Variants in PCDH15 observed in about 807,000 individuals in gnomAD.
The protein encoded by PCDH15 is protocadherin-15.
In PCDH15, 129 loss-of-function variants were observed where a neutral mutation model predicts 178.5. The ratio of observed to expected loss-of-function variants is 0.72; its 90% CI spans 0.63 to 0.84. The LOEUF (loss-of-function observed/expected upper bound fraction) is 0.84. PCDH15 is among the 40% of genes least tolerant of loss of function. PCDH15 has a pLI of 0.00. For synonymous variants in PCDH15, 800 were observed against 732.0 expected (o/e 1.09, Z -1.50); for missense variants, 2,230 against 2,099.9 (o/e 1.06, Z -1.21).
At chr10:55,613,660 G>A (rs1354997160) in intron 2 of PCDH15, among the ~76,000 whole-genome samples, 1 of 152,064 alleles carries the variant, frequency 6.6e-6, no homozygotes, top group Non-Finnish European at 1.5e-5. Flanking sequence ...CAAACTAAGT[G>A]TATTAAATGA....
intron 2 of PCDH15, among the ~76,000 whole-genome samples, chr10:55,390,341 G>A (rs1041063169): frequency 5.3e-5 from 8 of 152,262 alleles, no homozygotes; most frequent in African/African-American, 1.9e-4. Context: ...GCTGTTGACT[G>A]GTGGCTGCTG....
intron 2 of PCDH15, among the ~76,000 whole-genome samples, chr10:55,035,107 C>T (rs557735705): frequency 6.6e-6 from 1 of 152,194 alleles, no homozygotes; most frequent in Admixed American, 6.5e-5. Flanking sequence ...TTAACTCCAA[C>T]ATAGGGAATC....
chr10:55,038,741 CT>C (rs1411763699), intron 2 of PCDH15, among the ~76,000 whole-genome samples: 1 of 152,066 alleles, frequency 6.6e-6, no homozygotes, highest in Non-Finnish European at 1.5e-5. Context: ...AAACCTGAAA[CT>C]TTTCAAAGTA....
rs1554853331 is a variant in PCDH15 at position 54,239,432 on chromosome 10, T to TATAGAGAGAGAGAGAGAGAGAGAGAG, written c.877-2502_877-2501insCTCTCTCTCTCTCTCTCTCTCTCTAT. ...GTGATTAAATATATATATATATATA[T>TATAGAGAGAGAGAGAGAGAGAGAGAG]AGAGTAAGAACTGAAGAACTAAAAA... On this transcript the variant is annotated intron_variant, in intron 8 of 37. Transcript: ENST00000644397. Among the ~76,000 whole-genome samples, 253 of 150,636 alleles carry TATAGAGAGAGAGAGAGAGAGAGAGAG rather than the reference T, an allele frequency of 1.7e-3. 1 individual carries two copies. Among genetic ancestry groups the TATAGAGAGAGAGAGAGAGAGAGAGAG allele is most frequent in the African/African-American group, 5.7e-3 (232 of 41,050 alleles).
At chr10:54,199,567 CAACAATAAT>C (rs1323519169) in intron 10 of PCDH15, among the ~76,000 whole-genome samples, 2 of 89,594 alleles carry the variant, frequency 2.2e-5, no homozygotes, top group African/African-American at 6.4e-5. Flanking sequence ...ACAACAACAA[CAACAATAAT>C]AATAATAATA....
At chr10:55,234,781 A>G (rs1012314718) in intron 1 of PCDH15, among the ~76,000 whole-genome samples, 2 of 152,112 alleles carry the variant, frequency 1.3e-5, no homozygotes, top group Non-Finnish European at 2.9e-5. Flanking sequence ...TTTATTACTC[A>G]TGAAGTCCAC....
In PCDH15 at chr10:55,302,184, A is replaced by T. The variant is rs143533926; in HGVS notation, c.-156+17415T>A. 2.8e-3 allele frequency among the ~76,000 whole-genome samples: 419 copies of T among 152,152 alleles called. 2 individuals are homozygous for T. Among genetic ancestry groups the T allele is most frequent in the Non-Finnish European group, 4.8e-3 (326 of 68,008 alleles). On this transcript the variant is annotated intron_variant, in intron 1 of 5. Coordinates refer to the PCDH15 transcript ENST00000458638. Reference sequence around the variant, plus strand: ...GTTAAATGTATGCCAATGTAGACAGAATTGGCATAATTACCATGCTGAATA... The same window carrying T: ...GTTAAATGTATGCCAATGTAGACAGTATTGGCATAATTACCATGCTGAATA...
At chr10:53,991,593 A>G in intron 21 of PCDH15, among the ~76,000 whole-genome samples, 1 of 148,108 alleles carries the variant, frequency 6.8e-6, no homozygotes. Flanking sequence ...TGTCTAGCTA[A>G]AGGACTGTAA....
intron 33 of PCDH15, 156 bp from the exon 34 acceptor site, chr10:53,818,169 A>T: frequency 5.2e-6 from 2 of 386,730 alleles, no homozygotes; most frequent in Non-Finnish European, 4.6e-6. Context: ...ATTTTGTGGA[A>T]TTATCAAAAC....
chr10:53,890,358 G>A (rs374193859), intron 26 of PCDH15, among the ~76,000 whole-genome samples: 7 of 152,248 alleles, frequency 4.6e-5, no homozygotes, highest in South Asian at 2.1e-4. Context: ...ACCTGGAGGC[G>A]GAGGTTGCAG....
At chr10:55,430,569 GAGA>G (rs1407297416) in intron 2 of PCDH15, among the ~76,000 whole-genome samples, 3 of 152,136 alleles carry the variant, frequency 2.0e-5, no homozygotes, top group Admixed American at 6.5e-5. Context: ...TTTTGGCCCA[GAGA>G]AGAAGTGATT....
Position 54,378,950 on chromosome 10 carries a change from C to A in PCDH15, c.158-8G>T, listed in dbSNP as rs1948836091. 2 of 1,613,294 alleles carry A rather than the reference C, an allele frequency of 1.2e-6. No individual in the cohort carries two copies. The highest frequency in any genetic ancestry group is 4.5e-5 in the East Asian group (2 of 44,842). ...TGTCCACCAGAATTGTACCTGCAAACCAAAGAAAGGTACTTGAAAACATAT... is the reference window on the plus strand; with the variant it reads ...TGTCCACCAGAATTGTACCTGCAAAACAAAGAAAGGTACTTGAAAACATAT... On this transcript the variant is annotated splice_polypyrimidine_tract_variant and splice_region_variant and intron_variant, in intron 3 of 37. Coordinates refer to ENST00000644397, the MANE Select transcript of PCDH15 (RefSeq NM_001384140.1).
At chr10:55,516,178 A>G (rs1323429318) in intron 2 of PCDH15, among the ~76,000 whole-genome samples, 2 of 152,004 alleles carry the variant, frequency 1.3e-5, no homozygotes, top group Non-Finnish European at 2.9e-5. Context: ...GTGGGAGATA[A>G]TTGAATTGTG....
intron 15 of PCDH15, among the ~76,000 whole-genome samples, chr10:54,114,650 T>C (rs754354493): frequency 1.3e-5 from 2 of 152,166 alleles, no homozygotes; most frequent in African/African-American, 4.8e-5. Flanking sequence ...AAGCACAGCA[T>C]GTTGGAATAT....
intron 2 of PCDH15, among the ~76,000 whole-genome samples, chr10:55,576,812 C>A (rs867962923): frequency 4.6e-5 from 7 of 151,934 alleles, no homozygotes; most frequent in African/African-American, 1.2e-4. Context: ...AACTAAAATT[C>A]TATTAAAACA....
intron 1 of PCDH15, among the ~76,000 whole-genome samples, chr10:54,670,363 C>T (rs907455418): frequency 3.3e-5 from 5 of 152,102 alleles, no homozygotes; most frequent in Admixed American, 2.0e-4. Context: ...TCTTATACTA[C>T]AGCTATGGTG....
chr10:55,441,092 AT>A (rs369363953), intron 2 of PCDH15, among the ~76,000 whole-genome samples: 1 of 152,258 alleles, frequency 6.6e-6, no homozygotes, highest in Non-Finnish European at 1.5e-5. Flanking sequence ...GGCATAAAAC[AT>A]TACTCTAAGA....
chr10:55,493,031 T>C (rs1237658046), intron 2 of PCDH15, among the ~76,000 whole-genome samples: 3 of 151,372 alleles, frequency 2.0e-5, no homozygotes, highest in African/African-American at 7.3e-5. Context: ...AGAGAATAAA[T>C]AGAAATAAAC....
intron 7 of PCDH15, among the ~76,000 whole-genome samples, chr10:54,322,503 T>C (rs759031351): frequency 6.6e-6 from 1 of 152,006 alleles, no homozygotes; most frequent in Non-Finnish European, 1.5e-5. Context: ...GAATTGTGTC[T>C]CCTCAACCTC....
Sources: gnomAD v4.1 joint callset for allele counts (sites outside exome capture counted in the v4.1 genomes callset) on GRCh38, gnomAD v4.1.1 for gene constraint, MANE v1.5 for transcripts, NCBI Gene and HGNC (gene_info 2026-07-23, HGNC 2026-07-21) for gene names.